Variants in PAMR1 observed in about 807,000 individuals in gnomAD.
PAMR1 encodes the protein peptidase domain containing associated with muscle regeneration 1, also known as inactive serine protease PAMR1.
Under a neutral mutation model 81.8 loss-of-function variants are expected in PAMR1, and 88 were observed. That is an observed-to-expected ratio of 1.08 (90% confidence interval 0.91 to 1.28). The LOEUF (loss-of-function observed/expected upper bound fraction) is 1.28, where lower values mean the gene tolerates loss of function less well. Ranked by LOEUF, PAMR1 falls within the 50% of genes most tolerant of loss-of-function variation. The pLI is 0.00. For synonymous variants in PAMR1, 336 were observed against 345.3 expected, an observed-to-expected ratio of 0.97 and a Z score of 0.30; for missense variants, 935 against 919.7, an observed-to-expected ratio of 1.02 and a Z score of -0.21.
chr11:35,453,787 T>C (rs998437189), intron 6 of PAMR1, among the ~76,000 whole-genome samples: 1 of 152,192 alleles, frequency 6.6e-6, no homozygotes, highest in Non-Finnish European at 1.5e-5. Flanking sequence ...CAAAGCCAAA[T>C]GAGAATTTAA....
At position 35,460,315 on chromosome 11, in the gene PAMR1, T is replaced by TC. The variant is rs1353442748; in HGVS notation, c.820+7685_820+7686insG. 2.6e-4 allele frequency among the ~76,000 whole-genome samples: 39 copies of TC among 151,972 alleles called. No homozygotes were observed. The East Asian group carries it at 7.5e-3, about 29-fold the overall frequency. On this transcript the variant is annotated intron_variant, in intron 6 of 10. Coordinates refer to ENST00000619888, the MANE Select transcript of PAMR1 (RefSeq NM_001001991.3). Reference sequence around the variant, plus strand: ...CACTGTTTGTATCCTCCTCTTTCTTTTTTTTTTTTTTATATACTTTTTTTC... The same window carrying TC: ...CACTGTTTGTATCCTCCTCTTTCTTTCTTTTTTTTTTTATATACTTTTTTTC...
chr11:35,462,327 T>C (rs1434314015), intron 6 of PAMR1, among the ~76,000 whole-genome samples: 1 of 152,228 alleles, frequency 6.6e-6, no homozygotes, highest in Admixed American at 6.5e-5. Flanking sequence ...ATGCCTAATG[T>C]GGGTGTCTTT....
rs529450726 is a variant in PAMR1 at position 35,473,721 on chromosome 11, C to T, written c.494+909G>A. Among the ~76,000 whole-genome samples the T allele has an allele frequency of 1.1e-3, 174 of 152,210 alleles. 1 individual carries two copies. Among genetic ancestry groups the T allele is most frequent in the African/African-American group, 4.1e-3 (172 of 41,514 alleles). On this transcript the variant is annotated intron_variant, in intron 4 of 10. Transcript: ENST00000619888. ...GAGGACAGAGAGACATTCAAGGAGC[C>T]AGGTAGCATGTGGTAACCTCTGTGT...
intron 1 of PAMR1, among the ~76,000 whole-genome samples, chr11:35,511,496 G>A (rs147611684): frequency 3.3e-5 from 5 of 152,300 alleles, no homozygotes; most frequent in East Asian, 3.9e-4. Context: ...CACCCCAGAA[G>A]GTGGCAAAGA....
At chr11:35,529,125 A>G (rs1851431038), upstream of PAMR1, 1 of 152,172 alleles carries the variant, frequency 6.6e-6, no homozygotes, top group Admixed American at 6.5e-5. Flanking sequence ...TTTCATATTG[A>G]TAGAGTTTAG....
Position 35,432,580 on chromosome 11 carries a change from T to C in PAMR1, c.1939A>G (p.Met647Val). 6.2e-7 allele frequency: 1 copy of C among 1,614,098 alleles called. No individual in the cohort carries two copies. Among genetic ancestry groups the C allele is most frequent in the Non-Finnish European group, 8.5e-7 (1 of 1,180,018 alleles). ...HGIPVSVTDN[M>V]FCASWEPTAP... ...GTGGGTTCCCAGCTGGCACAGAACA[T>C]GTTATCAGTGACACTCACTGGGATG... The change falls in exon 11 of 11, where the codon ATG becomes GTG. Residue 647 changes from methionine to valine, a missense_variant. Met to Val is a conservative substitution (Grantham distance 21). Coordinates refer to ENST00000619888, the MANE Select transcript of PAMR1 (RefSeq NM_001001991.3).
chr11:35,461,078 C>T (rs988138020), intron 6 of PAMR1, among the ~76,000 whole-genome samples: 1 of 152,172 alleles, frequency 6.6e-6, no homozygotes, highest in Non-Finnish European at 1.5e-5. Context: ...GATGAGCACC[C>T]TTCTCTTTCA....
At chr11:35,451,862 A>T (rs1260540412) in intron 6 of PAMR1, 1 of 702,876 alleles carries the variant, frequency 1.4e-6, no homozygotes, top group Non-Finnish European at 2.6e-6. Context: ...TACAGCAAGA[A>T]GTCAGCATCT....
At chr11:35,447,425 G>T (rs761833301) in intron 6 of PAMR1, among the ~76,000 whole-genome samples, 1 of 151,860 alleles carries the variant, frequency 6.6e-6, no homozygotes, top group Non-Finnish European at 1.5e-5. Flanking sequence ...AGGATGGCTC[G>T]ATCTCCTGAC....
chr11:35,501,557 TA>T (rs1850843345), intron 1 of PAMR1, among the ~76,000 whole-genome samples: 1 of 148,408 alleles, frequency 6.7e-6, no homozygotes, highest in Non-Finnish European at 1.5e-5. Context: ...GTTTTTAATT[TA>T]ATTATTATTA....
chr11:35,472,667 C>A (rs1294058808), intron 4 of PAMR1, among the ~76,000 whole-genome samples: 1 of 152,154 alleles, frequency 6.6e-6, no homozygotes, highest in Non-Finnish European at 1.5e-5. Context: ...TGCAGTAGAG[C>A]CAGCCTTGTG....
chr11:35,468,852 C>T (rs1163719187), intron 5 of PAMR1, among the ~76,000 whole-genome samples: 1 of 152,176 alleles, frequency 6.6e-6, no homozygotes, highest in Non-Finnish European at 1.5e-5. Context: ...GTGTGTTATC[C>T]ATCAATCCTA....
chr11:35,466,881 TG>T (rs1279918449), intron 6 of PAMR1, among the ~76,000 whole-genome samples: 2 of 152,146 alleles, frequency 1.3e-5, no homozygotes, highest in Non-Finnish European at 2.9e-5. Context: ...GTTGGTGCTC[TG>T]CCCTCGGGTC....
chr11:35,504,938 G>A (rs913873860), intron 1 of PAMR1, among the ~76,000 whole-genome samples: 1 of 151,586 alleles, frequency 6.6e-6, no homozygotes, highest in African/African-American at 2.4e-5. Flanking sequence ...TCCCTGAGGT[G>A]CATTGTTATG....
intron 6 of PAMR1, among the ~76,000 whole-genome samples, chr11:35,466,922 C>G (rs899023939): frequency 3.3e-5 from 5 of 151,806 alleles, no homozygotes; most frequent in Admixed American, 1.3e-4. Context: ...GGCCCTTTTC[C>G]CCTCCCCATC....
intron 1 of PAMR1, among the ~76,000 whole-genome samples, chr11:35,507,424 A>C (rs1850985159): frequency 6.9e-6 from 1 of 145,920 alleles, no homozygotes; most frequent in Non-Finnish European, 1.5e-5. Context: ...CAAATTTTTC[A>C]GTTCAGCAGA....
upstream of PAMR1, chr11:35,525,678 G>A (rs1851374441): frequency 3.8e-6 from 4 of 1,039,292 alleles, no homozygotes; most frequent in Non-Finnish European, 5.8e-6. Flanking sequence ...GGACCTCCCC[G>A]AGCCCCAGCT....
chr11:35,460,271 G>T lies in PAMR1; in HGVS notation c.820+7730C>A, dbSNP rs147489895. Among the ~76,000 whole-genome samples the T allele has an allele frequency of 7.3e-3, 1,111 of 151,562 alleles. 8 individuals are homozygous for T. The highest frequency in any genetic ancestry group is 0.024 in the African/African-American group (995 of 41,346). ...TCAGGGATACTTGTTTCCAACAGAA[G>T]TTAATTGTGCTATGCTCTCACTGTT... On this transcript the variant is annotated intron_variant, in intron 6 of 10. Transcript: ENST00000619888.
At chr11:35,508,509 A>G (rs1024612037) in intron 1 of PAMR1, among the ~76,000 whole-genome samples, 1 of 133,160 alleles carries the variant, frequency 7.5e-6, no homozygotes, top group African/African-American at 2.8e-5. Flanking sequence ...TGGAAGCAGG[A>G]ACCTCCATTT....
Sources: gnomAD v4.1 joint callset for allele counts (sites outside exome capture counted in the v4.1 genomes callset) on GRCh38, gnomAD v4.1.1 for gene constraint, MANE v1.5 for transcripts, NCBI Gene and HGNC (gene_info 2026-07-23, HGNC 2026-07-21) for gene names.